SLC22A3: variants seen among roughly 807,000 people sequenced by gnomAD.
SLC22A3 encodes EMT organic cation transporter 3.
Under a neutral mutation model 59.1 loss-of-function variants are expected in SLC22A3, and 51 were observed. The ratio of observed to expected loss-of-function variants is 0.86; its 90% CI spans 0.69 to 1.09. SLC22A3 has a LOEUF of 1.09. Among genes scored for constraint, SLC22A3 ranks in the 50% least tolerant of loss-of-function variants. The probability of loss-of-function intolerance (pLI) is 0.00; values close to 1 mark genes in which losing one functional copy is unlikely to be tolerated. For synonymous variants in SLC22A3, 325 were observed against 292.0 expected (o/e 1.11, Z -1.15); for missense variants, 711 against 726.3 (o/e 0.98, Z 0.24).
chr6:160,359,954 CATT>C (rs1375160534), intron 1 of SLC22A3, among the ~76,000 whole-genome samples: 1 of 152,140 alleles, frequency 6.6e-6, no homozygotes, highest in East Asian at 1.9e-4. Flanking sequence ...ACCTTTAACT[CATT>C]ATCTTATTAC....
intron 2 of SLC22A3, among the ~76,000 whole-genome samples, chr6:160,404,184 T>TAAC (rs201976390): frequency 8.6e-6 from 1 of 116,350 alleles, no homozygotes; most frequent in Non-Finnish European, 1.7e-5. Context: ...TCAAAAGAAT[T>TAAC]AACAACAACA....
intron 2 of SLC22A3, among the ~76,000 whole-genome samples, chr6:160,404,214 C>A (rs1038960600): frequency 9.2e-5 from 14 of 151,672 alleles, no homozygotes; most frequent in African/African-American, 3.1e-4. Context: ...AAAAAAAACT[C>A]CTGAAACTAA....
At chr6:160,443,391 A>G (rs1788621926) in intron 8 of SLC22A3, among the ~76,000 whole-genome samples, 1 of 152,256 alleles carries the variant, frequency 6.6e-6, no homozygotes, top group Admixed American at 6.5e-5. Context: ...CAGGCAGGGC[A>G]GTGGGTTGCT....
intron 5 of SLC22A3, among the ~76,000 whole-genome samples, chr6:160,418,714 C>A (rs1019239042): frequency 6.6e-6 from 1 of 152,042 alleles, no homozygotes; most frequent in Admixed American, 6.5e-5. Context: ...CCTAAAGATC[C>A]CTCTCCTCTG....
chr6:160,394,730 C>G (rs1786403097), intron 1 of SLC22A3, among the ~76,000 whole-genome samples: 1 of 152,206 alleles, frequency 6.6e-6, no homozygotes, highest in African/African-American at 2.4e-5. Context: ...TTTGGAAGAG[C>G]TGAAGAAGAA....
At chr6:160,387,197 A>T (rs1167263593) in intron 1 of SLC22A3, among the ~76,000 whole-genome samples, 3 of 152,264 alleles carry the variant, frequency 2.0e-5, no homozygotes, top group African/African-American at 7.2e-5. Flanking sequence ...AAACCTGGGA[A>T]GATGCATAAA....
At chr6:160,378,262 G>A (rs1409368581) in intron 1 of SLC22A3, among the ~76,000 whole-genome samples, 2 of 152,110 alleles carry the variant, frequency 1.3e-5, no homozygotes, top group Non-Finnish European at 2.9e-5. Flanking sequence ...CATTAAACTG[G>A]GAAAATACTA....
chr6:160,450,916 T>C (rs1476536372), intron 10 of SLC22A3, 80 bp from the exon 11 acceptor site: 2 of 1,294,482 alleles, frequency 1.5e-6, no homozygotes, highest in South Asian at 2.5e-5. Context: ...AAACCAGCTA[T>C]ACTATTAAAT....
At chr6:160,433,938 C>A (rs899387141) in intron 5 of SLC22A3, among the ~76,000 whole-genome samples, 1 of 152,112 alleles carries the variant, frequency 6.6e-6, no homozygotes, top group African/African-American at 2.4e-5. Flanking sequence ...GTGAATATTT[C>A]TTTTGAAAAG....
Position 160,348,408 on chromosome 6 carries a change from G to C in SLC22A3, c.-12G>C. On this transcript the variant is annotated 5_prime_UTR_variant, in exon 1 of 11. Coordinates refer to ENST00000275300, the MANE Select transcript of SLC22A3 (RefSeq NM_021977.4). ...GAGGCGCGGGCTGCGGGCGGCGGGC[G>C]GCGGGCGCACCATGCCCTCCTTCGA... The C allele has an allele frequency of 6.9e-7, 1 of 1,445,426 alleles. No homozygotes were observed. The allele number at this position is 1,445,426 out of a possible 1,614,324, so 89.5% of individuals were successfully genotyped here. A position where few individuals can be genotyped will look rare whatever the true frequency, so the allele number is the denominator to read the frequency against.
intron 1 of SLC22A3, among the ~76,000 whole-genome samples, chr6:160,384,135 G>A (rs2175251): frequency 0.25 from 37,836 of 151,992 alleles, 5,042 homozygotes; most frequent in East Asian, 0.37. Context: ...TTCCCATGTT[G>A]GCTAGGCTGA....
intron 1 of SLC22A3, among the ~76,000 whole-genome samples, chr6:160,377,436 G>T (rs896800265): frequency 1.3e-5 from 2 of 151,072 alleles, no homozygotes; most frequent in Non-Finnish European, 2.9e-5. Context: ...AGTGGGCTGA[G>T]ATCATGCCAA....
intron 5 of SLC22A3, among the ~76,000 whole-genome samples, chr6:160,425,392 G>T (rs959572709): frequency 6.6e-6 from 1 of 152,016 alleles, no homozygotes; most frequent in African/African-American, 2.4e-5. Flanking sequence ...ATAGTTACTG[G>T]GTGCTGTATT....
chr6:160,435,677 G>A (rs1788311135), intron 5 of SLC22A3, among the ~76,000 whole-genome samples: 1 of 152,132 alleles, frequency 6.6e-6, no homozygotes, highest in South Asian at 2.1e-4. Context: ...CAAAGCTTTG[G>A]GGAAAATGTG....
At chr6:160,407,015 G>A in intron 2 of SLC22A3, 26 bp from the exon 3 acceptor site, 2 of 1,612,524 alleles carry the variant, frequency 1.2e-6, no homozygotes, top group Non-Finnish European at 1.7e-6. Context: ...TTTAAGGTGA[G>A]CTCTTTTCCT....
At chr6:160,402,823 A>G (rs151009568) in intron 2 of SLC22A3, among the ~76,000 whole-genome samples, 36 of 151,928 alleles carry the variant, frequency 2.4e-4, no homozygotes, top group African/African-American at 8.4e-4. Flanking sequence ...AAATCTCAAG[A>G]GTAATTAAAA....
intron 5 of SLC22A3, among the ~76,000 whole-genome samples, chr6:160,431,407 G>A (rs77033523): frequency 0.01 from 1,594 of 152,270 alleles, 30 homozygotes; most frequent in African/African-American, 0.036. Flanking sequence ...GAATATCTGC[G>A]TCACTGTGGA....
At chr6:160,449,416 T>C (rs950112787) in intron 10 of SLC22A3, among the ~76,000 whole-genome samples, 3 of 152,160 alleles carry the variant, frequency 2.0e-5, no homozygotes, top group Non-Finnish European at 4.4e-5. Context: ...TAATTAATTA[T>C]ACCTAGTCTC....
intron 10 of SLC22A3, among the ~76,000 whole-genome samples, chr6:160,448,811 G>A (rs1027259488): frequency 1.3e-5 from 2 of 152,034 alleles, no homozygotes; most frequent in Non-Finnish European, 2.9e-5. Flanking sequence ...AGGGAAGGGA[G>A]GACCATCACT....
Sources: gnomAD v4.1 joint callset for allele counts (sites outside exome capture counted in the v4.1 genomes callset) on GRCh38, gnomAD v4.1.1 for gene constraint, MANE v1.5 for transcripts, NCBI Gene and HGNC (gene_info 2026-07-23, HGNC 2026-07-21) for gene names.